ENKUR: variants seen among roughly 807,000 people sequenced by gnomAD.
The protein encoded by ENKUR is enkurin.
A neutral mutation model predicts 27.6 loss-of-function variants in ENKUR; 19 were observed. The ratio of observed to expected loss-of-function variants is 0.69; its 90% CI spans 0.48 to 1.01. The LOEUF is 1.01. Among genes scored for constraint, ENKUR ranks in the 50% least tolerant of loss-of-function variants. ENKUR has a pLI of 0.00. For missense variants in ENKUR, 312 were observed against 310.5 expected (o/e 1.00, Z -0.04); for synonymous variants, 117 against 96.9 (o/e 1.21, Z -1.22).
At chr10:25,034,114 A>G (rs1850973522) in intron 2 of ENKUR, among the ~76,000 whole-genome samples, 1 of 152,170 alleles carries the variant, frequency 6.6e-6, no homozygotes, top group African/African-American at 2.4e-5. Context: ...AAAAAATGAA[A>G]GCATTCTGTG....
At chr10:25,001,318 T>A (rs1032551814) in intron 1 of ENKUR, among the ~76,000 whole-genome samples, 4 of 151,936 alleles carry the variant, frequency 2.6e-5, no homozygotes, top group African/African-American at 9.7e-5. Context: ...TTTTAAACTT[T>A]TTTTCTCTTT....
intron 1 of ENKUR, among the ~76,000 whole-genome samples, chr10:25,001,196 C>T (rs1850181960): frequency 6.6e-6 from 1 of 151,864 alleles, no homozygotes; most frequent in South Asian, 2.1e-4. Flanking sequence ...GGTACCATTC[C>T]TTCTCCATAA....
At position 24,983,708 on chromosome 10, in the gene ENKUR, G is replaced by A. The variant is rs1849719264; in HGVS notation, c.*662C>T. On this transcript the variant is annotated 3_prime_UTR_variant, in exon 6 of 6. Transcript: ENST00000331161. The stretch of plus-strand genomic sequence containing the variant: ...CTGTGTTTGTGAAAAAAGCCTGAAA[G>A]ACTCCCATATTTTGTTTTTTATGTT... 1 of 152,088 alleles carries A rather than the reference G, an allele frequency of 6.6e-6. No homozygotes were observed. The highest frequency in any genetic ancestry group is 1.5e-5 in the Non-Finnish European group (1 of 68,002). The allele number at this position is 152,088 out of a possible 1,614,324, so 9.4% of individuals were successfully genotyped here. A position where few individuals can be genotyped will look rare whatever the true frequency, so the allele number is the denominator to read the frequency against.
intron 3 of ENKUR, among the ~76,000 whole-genome samples, chr10:24,991,229 T>C (rs1252788988): frequency 2.0e-5 from 3 of 152,094 alleles, no homozygotes; most frequent in Non-Finnish European, 4.4e-5. Flanking sequence ...CTTCAGTTTT[T>C]ACCTGAAATA....
intron 3 of ENKUR, among the ~76,000 whole-genome samples, chr10:24,995,134 C>CCCAAAA (rs146887635): frequency 0.022 from 3,306 of 152,112 alleles, 111 homozygotes; most frequent in African/African-American, 0.072. Flanking sequence ...CAAGTCTTTA[C>CCCAAAA]CCAAAACCAA....
chr10:24,997,149 G>A (rs529022804), intron 2 of ENKUR, among the ~76,000 whole-genome samples: 1 of 152,256 alleles, frequency 6.6e-6, no homozygotes, highest in African/African-American at 2.4e-5. Context: ...AGGAGTGTGA[G>A]GCTGCAGTGT....
chr10:24,992,238 A>G (rs1219716203), intron 3 of ENKUR, among the ~76,000 whole-genome samples: 1 of 152,228 alleles, frequency 6.6e-6, no homozygotes, highest in Non-Finnish European at 1.5e-5. Flanking sequence ...ATGGTGACAG[A>G]GACTCACCAA....
chr10:25,002,926 A>AAAAAAAGG (rs1850221527), intron 1 of ENKUR, among the ~76,000 whole-genome samples: 1 of 152,002 alleles, frequency 6.6e-6, no homozygotes, highest in East Asian at 1.9e-4. Context: ...TTGGGGTAAA[A>AAAAAAAGG]AAAAAAGGTG....
chr10:25,023,350 A>G (rs137957753), intron 2 of ENKUR: 2 of 1,614,172 alleles, frequency 1.2e-6, no homozygotes, highest in East Asian at 2.2e-5. Flanking sequence ...TGCGGAATTG[A>G]GGAAGTCATG....
chr10:25,055,418 A>T (rs1349534410), intron 2 of ENKUR, among the ~76,000 whole-genome samples: 1 of 152,130 alleles, frequency 6.6e-6, no homozygotes, highest in Admixed American at 6.5e-5. Flanking sequence ...GGGCATAGGC[A>T]TAGCCTTAAC....
intron 2 of ENKUR, among the ~76,000 whole-genome samples, chr10:25,028,926 G>C (rs1850902333): frequency 6.6e-6 from 1 of 151,994 alleles, no homozygotes; most frequent in Non-Finnish European, 1.5e-5. Flanking sequence ...TATATAAATG[G>C]AGTCATACTT....
intron 2 of ENKUR, among the ~76,000 whole-genome samples, chr10:25,054,463 T>TTC (rs1176328553): frequency 2.2e-5 from 2 of 89,278 alleles, no homozygotes; most frequent in Non-Finnish European, 2.4e-5. Flanking sequence ...TCTCTTTTCT[T>TTC]TCTTTCTTTC....
At chr10:24,988,588 G>A (rs1313489748) in intron 4 of ENKUR, among the ~76,000 whole-genome samples, 1 of 145,314 alleles carries the variant, frequency 6.9e-6, no homozygotes. Context: ...AGTTTCATAA[G>A]GTTCCAATGC....
At chr10:24,989,184 A>G (rs1849870893) in intron 4 of ENKUR, among the ~76,000 whole-genome samples, 1 of 152,194 alleles carries the variant, frequency 6.6e-6, no homozygotes, top group African/African-American at 2.4e-5. Flanking sequence ...GAAAATCCAA[A>G]TGAGAGAGAC....
chr10:25,010,594 C>T (rs962944300), intron 1 of ENKUR, among the ~76,000 whole-genome samples: 9 of 151,452 alleles, frequency 5.9e-5, no homozygotes, highest in South Asian at 2.1e-4. Flanking sequence ...TCCCTCCCCC[C>T]TACCCCCACC....
chr10:25,024,905 C>T (rs1438621470), intron 2 of ENKUR: 2 of 1,613,814 alleles, frequency 1.2e-6, no homozygotes, highest in Non-Finnish European at 1.7e-6. Context: ...CAAACCTTTT[C>T]ACCGTCAATA....
chr10:25,018,127 A>T (rs1199328521), upstream of ENKUR, among the ~76,000 whole-genome samples: 1 of 152,252 alleles, frequency 6.6e-6, no homozygotes, highest in Non-Finnish European at 1.5e-5. Flanking sequence ...GCTTTAAAAA[A>T]TGCTAAACAA....
chr10:24,994,436 C>T (rs1347348576), intron 3 of ENKUR, among the ~76,000 whole-genome samples: 3 of 151,436 alleles, frequency 2.0e-5, no homozygotes, highest in Admixed American at 1.3e-4. Context: ...TGGGATCAAG[C>T]GATTCTCGTG....
intron 2 of ENKUR, among the ~76,000 whole-genome samples, chr10:25,028,799 T>G (rs1440717741): frequency 6.6e-6 from 1 of 152,210 alleles, no homozygotes; most frequent in East Asian, 1.9e-4. Context: ...CACCTTTGGT[T>G]CTTCTTTGAT....
Sources: gnomAD v4.1 joint callset for allele counts (sites outside exome capture counted in the v4.1 genomes callset) on GRCh38, gnomAD v4.1.1 for gene constraint, MANE v1.5 for transcripts, NCBI Gene and HGNC (gene_info 2026-07-23, HGNC 2026-07-21) for gene names.